Variants in GABRG2 observed in about 807,000 individuals in gnomAD.
GABRG2 encodes gamma-aminobutyric acid receptor subunit gamma-2.
GABRG2 carries 16 observed loss-of-function variants against 56.4 expected under a neutral mutation model. That is an observed-to-expected ratio of 0.28 (90% CI 0.19 to 0.43). The LOEUF (loss-of-function observed/expected upper bound fraction) is 0.43, where lower values mean the gene tolerates loss of function less well. Ranked by LOEUF, GABRG2 falls within the 20% of genes least tolerant of loss-of-function variation. The pLI is 1.00. For missense variants in GABRG2, 327 were observed against 582.7 expected (o/e 0.56, Z 4.52); for synonymous variants, 208 against 205.5 (o/e 1.01, Z -0.10).
chr5:162,143,207 A>G (rs1046836095), intron 7 of GABRG2, among the ~76,000 whole-genome samples: 2 of 152,306 alleles, frequency 1.3e-5, no homozygotes, highest in Non-Finnish European at 2.9e-5. Context: ...TCTTTTTTCT[A>G]GAGTTAATTG....
At chr5:162,152,392 A>G (rs775437278) in intron 9 of GABRG2, 3 of 429,792 alleles carry the variant, frequency 7.0e-6, no homozygotes, top group Non-Finnish European at 1.4e-5. Flanking sequence ...AACATTAAAT[A>G]TATCATTTAG....
rs1459233964 is a variant in GABRG2, at chr5:162,151,414, A to G, written c.1129-316A>G. 13 of 271,910 alleles carry G rather than the reference A, an allele frequency of 4.8e-5. No homozygotes were observed. In the East Asian group the frequency reaches 1.1e-3, roughly 22 times the overall value. The allele number at this position is 271,910 out of a possible 1,614,324, so 16.8% of individuals were successfully genotyped here. On this transcript the variant is annotated intron_variant, in intron 8 of 9. Coordinates refer to ENST00000639213, the MANE Select transcript of GABRG2 (RefSeq NM_198904.4). ...GTGATGATAATTAGAAAATAGAATC[A>G]TAGTATTTTTAAACAGGGGAACCAG...
At position 162,149,230 on chromosome 5, in the gene GABRG2, G is replaced by A. The variant is rs756959300; in HGVS notation, c.1045G>A (p.Ala349Thr). ...TGTTTGTTTCATCTTTGTCTTCTCT[G>A]CTCTGGTGGAGTATGGCACCTTGCA... ...VSVCFIFVFS[A>T]LVEYGTLHYF... Residue 349 changes from alanine (A) to threonine (T), a missense_variant, in exon 8 of 10, where the codon GCT becomes ACT. Coordinates refer to ENST00000639213, the MANE Select transcript of GABRG2 (RefSeq NM_198904.4). The A allele has an allele frequency of 6.2e-7, 1 of 1,614,136 alleles. No homozygotes were observed. The highest frequency in any genetic ancestry group is 2.2e-5 in the East Asian group (1 of 44,872).
At chr5:162,114,167 A>G (rs967893371) in intron 6 of GABRG2, among the ~76,000 whole-genome samples, 6 of 152,164 alleles carry the variant, frequency 3.9e-5, no homozygotes, top group Non-Finnish European at 7.3e-5. Context: ...CCATGTAAAA[A>G]TAATTATGTA....
intron 6 of GABRG2, among the ~76,000 whole-genome samples, chr5:162,133,075 A>T (rs888169430): frequency 2.0e-5 from 3 of 151,944 alleles, no homozygotes; most frequent in Non-Finnish European, 4.4e-5. Context: ...GGATGCATTA[A>T]TATTAGTAGA....
At chr5:162,094,862 C>T (rs929385822) in intron 2 of GABRG2, 7 of 152,274 alleles carry the variant, frequency 4.6e-5, no homozygotes, top group African/African-American at 1.7e-4. Context: ...TAATATCAGT[C>T]TTCTCTGAAA....
At chr5:162,127,664 C>G (rs1325025727) in intron 6 of GABRG2, among the ~76,000 whole-genome samples, 1 of 151,918 alleles carries the variant, frequency 6.6e-6, no homozygotes, top group Non-Finnish European at 1.5e-5. Context: ...ATGTTGTCTC[C>G]TGAATTCACC....
chr5:162,073,132 A>C (rs1276383940), intron 1 of GABRG2, among the ~76,000 whole-genome samples: 3 of 151,976 alleles, frequency 2.0e-5, no homozygotes, highest in Admixed American at 6.6e-5. Context: ...CCACTGAATA[A>C]ATCAAAATGT....
At chr5:162,084,959 A>AT (rs1759948760) in intron 1 of GABRG2, among the ~76,000 whole-genome samples, 3 of 151,802 alleles carry the variant, frequency 2.0e-5, no homozygotes, top group South Asian at 2.1e-4. Flanking sequence ...CTACCATTTG[A>AT]TAAAAAAAAA....
At chr5:162,072,937 T>C (rs1321266963) in intron 1 of GABRG2, among the ~76,000 whole-genome samples, 2 of 151,986 alleles carry the variant, frequency 1.3e-5, no homozygotes, top group Admixed American at 1.3e-4. Flanking sequence ...GGTTTTTAGA[T>C]CTGTCAATAT....
At chr5:162,092,234 C>G (rs990903497) in intron 1 of GABRG2, among the ~76,000 whole-genome samples, 1 of 151,964 alleles carries the variant, frequency 6.6e-6, no homozygotes, top group African/African-American at 2.4e-5. Flanking sequence ...TGAGAGCTGA[C>G]AGAACCATTG....
Position 162,132,086 on chromosome 5 carries a change from T to C in GABRG2, c.770-10078T>C, listed in dbSNP as rs117770617. 1.1e-3 allele frequency among the ~76,000 whole-genome samples: 161 copies of C among 151,852 alleles called. 4 individuals carry two copies. The East Asian group carries it at 0.02, about 18-fold the overall frequency. ...TTATTGCAACAGGTATTGCAAGAAC[T>C]CTGTCAGGTTGCTATGGAGAATTTT... On this transcript the variant is annotated intron_variant, in intron 6 of 9. Transcript: ENST00000639213.
At chr5:162,145,313 A>G (rs1764875578) in intron 7 of GABRG2, among the ~76,000 whole-genome samples, 1 of 152,204 alleles carries the variant, frequency 6.6e-6, no homozygotes, top group African/African-American at 2.4e-5. Flanking sequence ...AATGAATGAA[A>G]TGAAAATACC....
intron 1 of GABRG2, among the ~76,000 whole-genome samples, chr5:162,086,650 A>G (rs1421627917): frequency 6.6e-6 from 1 of 151,950 alleles, no homozygotes; most frequent in South Asian, 2.1e-4. Context: ...TGAGCACTAC[A>G]GATAATTTTT....
intron 3 of GABRG2, among the ~76,000 whole-genome samples, chr5:162,096,768 C>T (rs1044729409): frequency 2.0e-5 from 3 of 151,652 alleles, no homozygotes; most frequent in African/African-American, 4.8e-5. Flanking sequence ...TGAAGTCAAC[C>T]GCTCTCCAGT....
intron 8 of GABRG2, chr5:162,149,638 G>C (rs1196486086): frequency 1.5e-6 from 1 of 665,952 alleles, no homozygotes; most frequent in Non-Finnish European, 2.8e-6. Flanking sequence ...TTTTGAGATG[G>C]AGTGTCACTC....
chr5:162,111,782 C>T (rs1249402233), intron 6 of GABRG2, among the ~76,000 whole-genome samples: 1 of 151,932 alleles, frequency 6.6e-6, no homozygotes, highest in Non-Finnish European at 1.5e-5. Context: ...ATTTTTACTC[C>T]ATAAAGAAAT....
At chr5:162,152,240 C>G (rs931656154) in intron 9 of GABRG2, 10 of 181,652 alleles carry the variant, frequency 5.5e-5, no homozygotes, top group Non-Finnish European at 1.0e-4. Context: ...TTAAAATATC[C>G]ATTCCTTATT....
At chr5:162,090,645 G>A (rs1760500549) in intron 1 of GABRG2, among the ~76,000 whole-genome samples, 1 of 152,002 alleles carries the variant, frequency 6.6e-6, no homozygotes, top group African/African-American at 2.4e-5. Context: ...TGACAAAAAT[G>A]TTTTTATTAT....
Sources: gnomAD v4.1 joint callset for allele counts (sites outside exome capture counted in the v4.1 genomes callset) on GRCh38, gnomAD v4.1.1 for gene constraint, MANE v1.5 for transcripts, NCBI Gene and HGNC (gene_info 2026-07-23, HGNC 2026-07-21) for gene names.